The following ASPM variants were observed in gnomAD, a reference collection of about 807,000 sequenced individuals.
ASPM encodes abnormal spindle-like microcephaly-associated protein.
In ASPM, 256 loss-of-function variants were observed where a neutral mutation model predicts 366.4. That is an observed-to-expected ratio of 0.70 (90% confidence interval 0.63 to 0.77). The LOEUF (loss-of-function observed/expected upper bound fraction) is 0.77, where lower values mean the gene tolerates loss of function less well. Ranked by LOEUF, ASPM falls within the 30% of genes least tolerant of loss-of-function variation. The probability of loss-of-function intolerance (pLI) is 0.00; values close to 1 mark genes in which losing one functional copy is unlikely to be tolerated. For synonymous variants in ASPM, 1,414 were observed against 1,342.9 expected (o/e 1.05, Z -1.16); for missense variants, 4,146 against 4,090.4 (o/e 1.01, Z -0.37).
chr1:197,104,440 T>A lies in ASPM; in HGVS notation c.4811A>T (p.Lys1604Met), dbSNP rs1424894524. The change falls in exon 18 of 28, where the codon AAG becomes ATG. Residue 1604 changes from lysine (K) to methionine (M), a missense_variant. By Grantham distance (95) the Lys-to-Met change is moderately conservative (BLOSUM62 -1). Coordinates refer to ENST00000367409, the MANE Select transcript of ASPM (RefSeq NM_018136.5). ...AATTATAACAGCTGCTTTCTTCATC[T>A]TCTTATATTTCTGTCGTTGTTGATG... is the stretch of plus-strand genomic sequence containing the variant. Reference protein sequence around the residue: ...RKHQQRQKYKKMKKAAVIIQT... With the variant: ...RKHQQRQKYKMMKKAAVIIQT... The A allele has an allele frequency of 6.2e-7, 1 of 1,612,958 alleles. No individual in the cohort carries two copies. Among genetic ancestry groups the A allele is most frequent in the Admixed American group, 1.7e-5 (1 of 59,800 alleles).
chr1:197,094,329 A>G (rs1656892802), intron 19 of ASPM, 149 bp from the exon 20 acceptor site: 1 of 599,836 alleles, frequency 1.7e-6, no homozygotes, highest in Admixed American at 3.0e-5. Flanking sequence ...TATAATTCAT[A>G]GTTAAGTTCT....
chr1:197,127,943 A>T (rs1311482155), intron 10 of ASPM, among the ~76,000 whole-genome samples: 1 of 152,132 alleles, frequency 6.6e-6, no homozygotes, highest in Non-Finnish European at 1.5e-5. Context: ...AGGCAGGCGG[A>T]TCACGAGGTC....
At chr1:197,135,623 C>CTTT (rs778898963) in intron 4 of ASPM, among the ~76,000 whole-genome samples, 103 of 69,752 alleles carry the variant, frequency 1.5e-3, no homozygotes, top group African/African-American at 4.9e-3. Flanking sequence ...AAATATCTGT[C>CTTT]TTTTTTTTTT....
At chr1:197,086,279 AAGG>A (rs1451928812) in intron 27 of ASPM, among the ~76,000 whole-genome samples, 1 of 152,126 alleles carries the variant, frequency 6.6e-6, no homozygotes, top group African/African-American at 2.4e-5. Flanking sequence ...GGAAGAAAAA[AAGG>A]AGGAGGGAGA....
chr1:197,097,463 G>A (rs1464202393), intron 18 of ASPM, among the ~76,000 whole-genome samples: 1 of 151,336 alleles, frequency 6.6e-6, no homozygotes, highest in African/African-American at 2.4e-5. Context: ...CAAATCCCTC[G>A]GTCTCTCTGA....
chr1:197,112,954 C>G (rs921279919), intron 17 of ASPM, among the ~76,000 whole-genome samples: 3 of 151,938 alleles, frequency 2.0e-5, no homozygotes, highest in African/African-American at 7.3e-5. Context: ...AACAAACCTG[C>G]AAATGTACCC....
chr1:197,124,050 T>G, intron 13 of ASPM, 60 bp downstream of exon 13: 1 of 1,426,814 alleles, frequency 7.0e-7, no homozygotes, highest in South Asian at 1.2e-5. Flanking sequence ...TAAGTTTAAG[T>G]GACTTTCATC....
chr1:197,141,971 C>T (rs1658596757), intron 3 of ASPM, among the ~76,000 whole-genome samples: 1 of 152,140 alleles, frequency 6.6e-6, no homozygotes, highest in African/African-American at 2.4e-5. Flanking sequence ...AGCTGGCTGC[C>T]TCAAACAAAC....
chr1:197,123,260 C>T (rs1249307134), intron 13 of ASPM, among the ~76,000 whole-genome samples: 1 of 152,068 alleles, frequency 6.6e-6, no homozygotes, highest in Non-Finnish European at 1.5e-5. Context: ...AAGTACAATG[C>T]TAAATAGGTC....
At chr1:197,114,844 G>A (rs1400056766) in intron 17 of ASPM, among the ~76,000 whole-genome samples, 1 of 152,172 alleles carries the variant, frequency 6.6e-6, no homozygotes, top group Non-Finnish European at 1.5e-5. Flanking sequence ...CACCTCCCAG[G>A]TTCAAGGGAT....
intron 1 of ASPM, among the ~76,000 whole-genome samples, chr1:197,145,698 G>T (rs1287305579): frequency 6.6e-6 from 1 of 152,030 alleles, no homozygotes; most frequent in Non-Finnish European, 1.5e-5. Context: ...GAACGGCAAG[G>T]CTATTTCACA....
At chr1:197,130,704 T>G (rs1349012292) in intron 7 of ASPM, among the ~76,000 whole-genome samples, 1 of 152,202 alleles carries the variant, frequency 6.6e-6, no homozygotes, top group Non-Finnish European at 1.5e-5. Context: ...TTTTGGCCTT[T>G]GAAATTTTCT....
At chr1:197,139,991 T>C (rs962354454) in intron 3 of ASPM, 120 bp from the exon 4 acceptor site, 12 of 694,618 alleles carry the variant, frequency 1.7e-5, no homozygotes, top group Non-Finnish European at 3.1e-5. Flanking sequence ...AAACACTTAA[T>C]AACCACTGTA....
intron 19 of ASPM, 114 bp downstream of exon 19, chr1:197,095,884 A>T: frequency 1.0e-6 from 1 of 981,012 alleles, no homozygotes. Context: ...AACCATATAA[A>T]TTAAGCATAA....
chr1:197,121,417 C>T (rs546039055), intron 16 of ASPM, among the ~76,000 whole-genome samples: 8 of 152,036 alleles, frequency 5.3e-5, no homozygotes, highest in African/African-American at 1.7e-4. Flanking sequence ...ACTTTTAAAA[C>T]TAATAAAGGA....
At chr1:197,112,041 A>G (rs985476403) in intron 17 of ASPM, among the ~76,000 whole-genome samples, 11 of 152,160 alleles carry the variant, frequency 7.2e-5, no homozygotes, top group African/African-American at 2.7e-4. Flanking sequence ...AAATTGTTCA[A>G]TCATAAAGAA....
At position 197,102,862 on chromosome 1, in the gene ASPM, T is replaced by C. The variant is rs770517536; in HGVS notation, c.6389A>G (p.His2130Arg). 7 of 1,612,518 alleles carry C rather than the reference T, an allele frequency of 4.3e-6. No individual in the cohort carries two copies. In the Admixed American group the frequency reaches 6.7e-5, roughly 15 times the overall value. ...ATFIKAMFKM[H>R]QSRISYHTMR... is the part of the protein sequence containing the mutation. ...TGTATGGTAACTTATTCTTGACTGA[T>C]GCATTTTAAACATGGCTTTAATAAA... Residue 2130 changes from histidine to arginine, a missense_variant, in exon 18 of 28, where the codon CAT becomes CGT. Physicochemically the swap from His to Arg is conservative, Grantham distance 29. Transcript: ENST00000367409.
In ASPM at chr1:197,143,887, T is replaced by C. The variant is rs1658684432; in HGVS notation, c.441+70A>G. The C allele has an allele frequency of 5.2e-6, 8 of 1,548,124 alleles. No individual in the cohort carries two copies. The Admixed American group carries it at 6.8e-5, about 13-fold the overall frequency. On this transcript the variant is annotated intron_variant, in intron 2 of 27. Transcript: ENST00000367409. Reference sequence around the variant, plus strand: ...AATAAGCAATATTACTTCAAGCCTGTTATCAAAATAAGTTTTATTTATTAT... The same window carrying C: ...AATAAGCAATATTACTTCAAGCCTGCTATCAAAATAAGTTTTATTTATTAT...
At chr1:197,137,043 C>T (rs1223636521) in intron 4 of ASPM, among the ~76,000 whole-genome samples, 1 of 151,972 alleles carries the variant, frequency 6.6e-6, no homozygotes, top group Non-Finnish European at 1.5e-5. Context: ...TTCTCAAATG[C>T]AGCAGAGTGA....
Sources: gnomAD v4.1 joint callset for allele counts (sites outside exome capture counted in the v4.1 genomes callset) on GRCh38, gnomAD v4.1.1 for gene constraint, MANE v1.5 for transcripts, NCBI Gene and HGNC (gene_info 2026-07-23, HGNC 2026-07-21) for gene names.